The following MARCHF1 variants were observed in gnomAD, a reference collection of about 807,000 sequenced individuals.
MARCHF1 encodes the protein membrane associated ring-CH-type finger 1, also known as E3 ubiquitin-protein ligase MARCHF1.
A neutral mutation model predicts 54.2 loss-of-function variants in MARCHF1; 40 were observed. The observed-to-expected ratio is 0.74, with a 90% CI of 0.57 to 0.96. The LOEUF (loss-of-function observed/expected upper bound fraction) is 0.96, where lower values mean the gene tolerates loss of function less well. MARCHF1 is among the 40% of genes least tolerant of loss of function. The pLI, the probability that MARCHF1 is intolerant of heterozygous loss-of-function variation, is 0.00. For missense variants in MARCHF1, 586 were observed against 656.5 expected, an observed-to-expected ratio of 0.89 and a Z score of 1.17; for synonymous variants, 236 against 236.3, an observed-to-expected ratio of 1.00 and a Z score of 0.01.
At chr4:164,320,901 C>T in intron 1 of MARCHF1, among the ~76,000 whole-genome samples, 1 of 152,134 alleles carries the variant, frequency 6.6e-6, no homozygotes, top group East Asian at 1.9e-4. Flanking sequence ...TTTCCCAAGT[C>T]AAAGGCCAGA....
chr4:164,260,549 T>A (rs1340154860), intron 1 of MARCHF1, among the ~76,000 whole-genome samples: 1 of 152,118 alleles, frequency 6.6e-6, no homozygotes, highest in Non-Finnish European at 1.5e-5. Context: ...TCACATTAGA[T>A]GTTTCTCTTG....
intron 8 of MARCHF1, among the ~76,000 whole-genome samples, chr4:163,569,999 G>T (rs974651655): frequency 1.3e-5 from 2 of 152,120 alleles, no homozygotes; most frequent in African/African-American, 4.8e-5. Flanking sequence ...CTCCTGAAGA[G>T]GTTTTGGTAT....
At chr4:163,746,377 G>C (rs545613080) in intron 4 of MARCHF1, among the ~76,000 whole-genome samples, 2 of 152,166 alleles carry the variant, frequency 1.3e-5, no homozygotes, top group East Asian at 3.9e-4. Flanking sequence ...TCCATTGTCT[G>C]TAGGTACCAC....
chr4:163,993,094 T>C (rs772922606), intron 2 of MARCHF1, among the ~76,000 whole-genome samples: 2 of 152,046 alleles, frequency 1.3e-5, no homozygotes, highest in Admixed American at 6.6e-5. Flanking sequence ...AATTTAAAGG[T>C]ATTGTTACTG....
chr4:163,644,942 T>C (rs1006067757), intron 5 of MARCHF1, among the ~76,000 whole-genome samples: 4 of 152,130 alleles, frequency 2.6e-5, no homozygotes, highest in East Asian at 3.9e-4. Flanking sequence ...ACCCCAGAGA[T>C]AGGCTGAATG....
intron 9 of MARCHF1, 60 bp downstream of exon 9, chr4:163,545,536 A>C: frequency 1.3e-6 from 2 of 1,537,644 alleles, no homozygotes; most frequent in Non-Finnish European, 1.8e-6. Context: ...TAACTTCCCT[A>C]TCCACCTCTG....
chr4:163,947,038 A>G (rs2110769873), intron 3 of MARCHF1, among the ~76,000 whole-genome samples: 1 of 152,306 alleles, frequency 6.6e-6, no homozygotes, highest in Middle Eastern at 3.4e-3. Flanking sequence ...GAATGAACAT[A>G]GCATATTCAG....
chr4:164,371,142 T>A (rs116091937), intron 1 of MARCHF1, among the ~76,000 whole-genome samples: 17 of 152,262 alleles, frequency 1.1e-4, no homozygotes, highest in Non-Finnish European at 2.4e-4. Flanking sequence ...GGCACCTAGA[T>A]ATGCCAGAGT....
chr4:164,243,083 A>G (rs1342120731), intron 1 of MARCHF1, among the ~76,000 whole-genome samples: 13 of 123,568 alleles, frequency 1.1e-4, no homozygotes, highest in Non-Finnish European at 2.2e-4. Context: ...AACTTCCCCA[A>G]TCTAGCAAGG....
At position 164,067,661 on chromosome 4, in the gene MARCHF1, T is replaced by C. The variant is rs72688002; in HGVS notation, c.-248+43927A>G. Among the ~76,000 whole-genome samples the C allele has an allele frequency of 6.4e-3, 968 of 152,298 alleles. 3 individuals carry two copies. The highest frequency in any genetic ancestry group is 8.3e-3 in the African/African-American group (344 of 41,558). On this transcript the variant is annotated intron_variant, in intron 2 of 9. Coordinates refer to ENST00000514618, the MANE Select transcript of MARCHF1 (RefSeq NM_001394959.1). Reference sequence around the variant, plus strand: ...AACCTAGGAAATACCCTTTTTTACATTGGCCTTGGCAAAGAATTTTTGGCC... The same window carrying C: ...AACCTAGGAAATACCCTTTTTTACACTGGCCTTGGCAAAGAATTTTTGGCC...
chr4:163,709,797 T>C (rs1165760722), intron 4 of MARCHF1, among the ~76,000 whole-genome samples: 1 of 152,206 alleles, frequency 6.6e-6, no homozygotes, highest in Non-Finnish European at 1.5e-5. Context: ...ACCTCTAAAT[T>C]GCTGAACTTG....
intron 1 of MARCHF1, among the ~76,000 whole-genome samples, chr4:164,165,203 T>C (rs1730339450): frequency 6.6e-6 from 1 of 152,040 alleles, no homozygotes; most frequent in Non-Finnish European, 1.5e-5. Flanking sequence ...GGACTGAATA[T>C]TTGTAACATA....
chr4:164,231,507 C>T (rs1375333806), intron 1 of MARCHF1, among the ~76,000 whole-genome samples: 3 of 152,102 alleles, frequency 2.0e-5, no homozygotes, highest in Non-Finnish European at 2.9e-5. Context: ...AAACGGTTAA[C>T]ATGACATCTT....
intron 1 of MARCHF1, among the ~76,000 whole-genome samples, chr4:164,321,411 T>G (rs1202317616): frequency 1.3e-5 from 2 of 151,984 alleles, no homozygotes; most frequent in Non-Finnish European, 2.9e-5. Flanking sequence ...AGAAGAAATA[T>G]TTTCATAATG....
chr4:164,029,715 C>T (rs899533001), intron 2 of MARCHF1, among the ~76,000 whole-genome samples: 1 of 152,096 alleles, frequency 6.6e-6, no homozygotes, highest in Non-Finnish European at 1.5e-5. Flanking sequence ...ATGCCTCAGC[C>T]TCCCAAGTAG....
At chr4:163,760,703 C>A (rs1172137711) in intron 4 of MARCHF1, among the ~76,000 whole-genome samples, 2 of 152,236 alleles carry the variant, frequency 1.3e-5, no homozygotes, top group African/African-American at 2.4e-5. Flanking sequence ...ATTTCCATTT[C>A]TTTGCATGAA....
chr4:163,731,272 A>G (rs1433627872), intron 4 of MARCHF1, among the ~76,000 whole-genome samples: 1 of 152,248 alleles, frequency 6.6e-6, no homozygotes, highest in East Asian at 1.9e-4. Context: ...TTGCATGGTC[A>G]GCATTAATTG....
intron 1 of MARCHF1, among the ~76,000 whole-genome samples, chr4:164,247,988 C>T (rs1369104817): frequency 6.6e-6 from 1 of 151,404 alleles, no homozygotes; most frequent in African/African-American, 2.4e-5. Flanking sequence ...ACCACACTGT[C>T]TCATAATACT....
chr4:163,609,245 C>A (rs1741243466), intron 7 of MARCHF1, among the ~76,000 whole-genome samples: 1 of 151,922 alleles, frequency 6.6e-6, no homozygotes, highest in Non-Finnish European at 1.5e-5. Context: ...TCATTGTAAC[C>A]ACAAATAGCT....
Sources: gnomAD v4.1 joint callset for allele counts (sites outside exome capture counted in the v4.1 genomes callset) on GRCh38, gnomAD v4.1.1 for gene constraint, MANE v1.5 for transcripts, NCBI Gene and HGNC (gene_info 2026-07-23, HGNC 2026-07-21) for gene names.